STXBP5L: variants seen among roughly 807,000 people sequenced by gnomAD.
The protein encoded by STXBP5L is syntaxin binding protein 5L.
STXBP5L carries 65 observed loss-of-function variants against 144.5 expected under a neutral mutation model. The observed-to-expected ratio is 0.45, with a 90% CI of 0.37 to 0.55. STXBP5L has a LOEUF of 0.55. STXBP5L is among the 20% of genes least tolerant of loss of function. The pLI is 0.00. For synonymous variants in STXBP5L, 505 were observed against 469.6 expected, an observed-to-expected ratio of 1.08 and a Z score of -0.97; for missense variants, 1,298 against 1,405.5, an observed-to-expected ratio of 0.92 and a Z score of 1.22.
chr3:121,012,627 T>C (rs1944862572), intron 3 of STXBP5L, among the ~76,000 whole-genome samples: 1 of 151,884 alleles, frequency 6.6e-6, no homozygotes, highest in Non-Finnish European at 1.5e-5. Context: ...GTATATTTCC[T>C]TTAGAGAAAT....
intron 18 of STXBP5L, among the ~76,000 whole-genome samples, chr3:121,277,930 T>C (rs1219409688): frequency 6.6e-6 from 1 of 152,060 alleles, no homozygotes; most frequent in East Asian, 1.9e-4. Context: ...ATCTTTTTGG[T>C]GGCTCTTTTA....
chr3:121,401,346 G>A (rs2046869165), intron 22 of STXBP5L, among the ~76,000 whole-genome samples: 2 of 151,884 alleles, frequency 1.3e-5, no homozygotes, highest in Non-Finnish European at 2.9e-5. Flanking sequence ...CGATTCCTCA[G>A]GGATCTAGTA....
At chr3:121,122,629 GA>G (rs1171040804) in intron 7 of STXBP5L, among the ~76,000 whole-genome samples, 2 of 151,430 alleles carry the variant, frequency 1.3e-5, no homozygotes, top group Admixed American at 1.3e-4. Context: ...ATTAGCTATT[GA>G]ATAAATGGTA....
At chr3:120,981,234 A>G (rs1453728641) in intron 3 of STXBP5L, among the ~76,000 whole-genome samples, 1 of 152,130 alleles carries the variant, frequency 6.6e-6, no homozygotes, top group Non-Finnish European at 1.5e-5. Context: ...ACTTTCTTGT[A>G]TGTGAATGTC....
At chr3:121,262,613 A>G (rs2050420119) in intron 18 of STXBP5L, among the ~76,000 whole-genome samples, 1 of 151,796 alleles carries the variant, frequency 6.6e-6, no homozygotes, top group Admixed American at 6.6e-5. Context: ...ACAGAGTGAA[A>G]CTCCATCTCA....
intron 13 of STXBP5L, among the ~76,000 whole-genome samples, chr3:121,239,743 G>T (rs2049604508): frequency 6.7e-6 from 1 of 149,886 alleles, no homozygotes; most frequent in Non-Finnish European, 1.5e-5. Context: ...AGCATTGGGA[G>T]ATATACCTAA....
intron 7 of STXBP5L, among the ~76,000 whole-genome samples, chr3:121,140,000 A>G (rs982897588): frequency 1.3e-5 from 2 of 152,144 alleles, no homozygotes; most frequent in Non-Finnish European, 2.9e-5. Flanking sequence ...ATAGACATGT[A>G]TATGCACATG....
chr3:121,000,214 C>A (rs1381457620), intron 3 of STXBP5L, among the ~76,000 whole-genome samples: 1 of 152,114 alleles, frequency 6.6e-6, no homozygotes. Flanking sequence ...TTACAAGTTG[C>A]TTGCTCTCTC....
chr3:121,276,551 TC>T (rs2108432628), intron 18 of STXBP5L, among the ~76,000 whole-genome samples: 1 of 152,106 alleles, frequency 6.6e-6, no homozygotes, highest in East Asian at 1.9e-4. Flanking sequence ...AGTGATGAAT[TC>T]CTTCAGCTTT....
chr3:121,377,421 T>A (rs550558604), intron 20 of STXBP5L, among the ~76,000 whole-genome samples: 4 of 152,118 alleles, frequency 2.6e-5, no homozygotes, highest in African/African-American at 2.4e-5. Flanking sequence ...AGGAGAAAAT[T>A]TTTGCAATCT....
chr3:121,219,672 T>G (rs1419556998), intron 10 of STXBP5L, among the ~76,000 whole-genome samples: 3 of 152,178 alleles, frequency 2.0e-5, no homozygotes, highest in Non-Finnish European at 2.9e-5. Flanking sequence ...AGAAAATTAT[T>G]TTCTGCTAAT....
intron 20 of STXBP5L, among the ~76,000 whole-genome samples, chr3:121,350,976 G>A (rs1360225614): frequency 6.6e-6 from 1 of 152,106 alleles, no homozygotes; most frequent in Non-Finnish European, 1.5e-5. Context: ...ATCATTCTCT[G>A]TCCAGCTTTG....
intron 9 of STXBP5L, among the ~76,000 whole-genome samples, chr3:121,187,078 G>T (rs962347539): frequency 6.6e-6 from 1 of 152,112 alleles, no homozygotes; most frequent in African/African-American, 2.4e-5. Context: ...ATACCCAAAG[G>T]ATAATAAAAG....
chr3:120,975,235 G>A (rs1164375895), intron 3 of STXBP5L, among the ~76,000 whole-genome samples: 1 of 152,124 alleles, frequency 6.6e-6, no homozygotes, highest in Admixed American at 6.6e-5. Context: ...GTGGTTTGTA[G>A]TTCTCCTTGA....
chr3:121,099,232 A>G (rs2107772958), intron 5 of STXBP5L: 1 of 152,346 alleles, frequency 6.6e-6, no homozygotes, highest in African/African-American at 2.4e-5. Context: ...ATCAGGGTTC[A>G]GTGAACTTTT....
At position 121,004,989 on chromosome 3, in the gene STXBP5L, C is replaced by T. The variant is rs561827771; in HGVS notation, c.288-36711C>T. 4.6e-5 allele frequency among the ~76,000 whole-genome samples: 7 copies of T among 152,260 alleles called. No individual in the cohort carries two copies. The South Asian group carries it at 1.5e-3, about 32-fold the overall frequency. ...TGAGGATTTTTGCATCGATGTTCAT[C>T]AGGGATGTTGGTCTAAAATTCTCTT... On this transcript the variant is annotated intron_variant, in intron 3 of 26. Coordinates refer to ENST00000471454, the MANE Select transcript of STXBP5L (RefSeq NM_001308330.2).
intron 21 of STXBP5L, among the ~76,000 whole-genome samples, chr3:121,379,391 G>A (rs2046272686): frequency 6.6e-6 from 1 of 151,980 alleles, no homozygotes; most frequent in Non-Finnish European, 1.5e-5. Flanking sequence ...GGTGGGGTAG[G>A]GGAGTAAATT....
At chr3:121,372,084 G>A (rs1041755487) in intron 20 of STXBP5L, among the ~76,000 whole-genome samples, 1 of 152,182 alleles carries the variant, frequency 6.6e-6, no homozygotes, top group African/African-American at 2.4e-5. Context: ...TGTTGGGGGA[G>A]GACTCAGTGT....
At chr3:121,012,504 T>G (rs563699573) in intron 3 of STXBP5L, among the ~76,000 whole-genome samples, 1 of 152,022 alleles carries the variant, frequency 6.6e-6, no homozygotes, top group African/African-American at 2.4e-5. Context: ...ATTGTTTATT[T>G]TTTTGAATAT....
Sources: gnomAD v4.1 joint callset for allele counts (sites outside exome capture counted in the v4.1 genomes callset) on GRCh38, gnomAD v4.1.1 for gene constraint, MANE v1.5 for transcripts, NCBI Gene and HGNC (gene_info 2026-07-23, HGNC 2026-07-21) for gene names.